The following PCK2 variants were observed in gnomAD, a reference collection of about 807,000 sequenced individuals.
PCK2 encodes phosphoenolpyruvate carboxykinase 2, mitochondrial.
Under a neutral mutation model 65.9 loss-of-function variants are expected in PCK2, and 56 were observed. That is an observed-to-expected ratio of 0.85 (90% CI 0.69 to 1.06). The LOEUF (loss-of-function observed/expected upper bound fraction) is 1.06. Ranked by LOEUF, PCK2 falls within the 50% of genes least tolerant of loss-of-function variation. The pLI is 0.00. For missense variants in PCK2, 843 were observed against 863.1 expected (o/e 0.98, Z 0.29); for synonymous variants, 305 against 319.6 (o/e 0.95, Z 0.49).
At chr14:24,096,628 C>T (rs2138937037) in intron 1 of PCK2, among the ~76,000 whole-genome samples, 1 of 152,284 alleles carries the variant, frequency 6.6e-6, no homozygotes, top group South Asian at 2.1e-4. Context: ...TGTATACTTC[C>T]ACACAGCCAG....
At chr14:24,097,495 C>T (rs563181306) in intron 2 of PCK2, among the ~76,000 whole-genome samples, 3 of 150,536 alleles carry the variant, frequency 2.0e-5, no homozygotes, top group African/African-American at 7.3e-5. Flanking sequence ...ACCCAAGAGG[C>T]GGAGGTTGCA....
intron 7 of PCK2, chr14:24,100,569 C>T (rs2037123036): frequency 9.1e-7 from 1 of 1,102,818 alleles, no homozygotes; most frequent in African/African-American, 1.6e-5. Context: ...TAAATACAGG[C>T]TGGATTTTTT....
chr14:24,100,285 C>A, intron 7 of PCK2, 72 bp downstream of exon 7: 1 of 1,575,366 alleles, frequency 6.3e-7, no homozygotes, highest in South Asian at 1.2e-5. Flanking sequence ...GCTTTCTCCA[C>A]AACCTCCAAC....
In PCK2 at chr14:24,103,660, C is replaced by A. The variant is rs1483128851; in HGVS notation, c.1619C>A (p.Ala540Glu). 14 of 1,614,210 alleles carry A rather than the reference C, an allele frequency of 8.7e-6. No homozygotes were observed. Among genetic ancestry groups the A allele is most frequent in the Non-Finnish European group, 1.2e-5 (14 of 1,180,028 alleles). The change falls in exon 10 of 10, where the codon GCA becomes GAA. Residue 540 changes from alanine to glutamate, a missense_variant. Coordinates refer to ENST00000216780, the MANE Select transcript of PCK2 (RefSeq NM_004563.4). ...FHVNWFRRDEAGHFLWPGFGE... is the reference protein window; with the variant it reads ...FHVNWFRRDEEGHFLWPGFGE... ...GTCAACTGGTTCCGGCGTGACGAGG[C>A]AGGGCACTTCCTGTGGCCAGGCTTT...
intron 6 of PCK2, 107 bp downstream of exon 6, chr14:24,099,827 C>T (rs760018134): frequency 4.7e-6 from 7 of 1,503,810 alleles, no homozygotes; most frequent in Non-Finnish European, 6.5e-6. Flanking sequence ...TTCCTGAACA[C>T]CCAACCCTGC....
chr14:24,099,346 G>C, intron 5 of PCK2, 110 bp downstream of exon 5: 1 of 1,165,444 alleles, frequency 8.6e-7, no homozygotes, highest in Non-Finnish European at 1.2e-6. Context: ...GCTGGTGGGC[G>C]GGGACTCTAC....
At position 24,098,359 on chromosome 14, in the gene PCK2, G is replaced by A. The variant is rs1256628135; in HGVS notation, c.432G>A (p.Val144=). ...CCCCAGCTGATTTCCAGCGAGCTGT[G>A]GATGAGAGGTTTCCAGGCTGCATGC... ...WMSPADFQRA[V]DERFPGCMQG... Residue 144 remains valine (V), a synonymous_variant, in exon 3 of 10, where the codon GTG becomes GTA. Coordinates refer to ENST00000216780, the MANE Select transcript of PCK2 (RefSeq NM_004563.4). 3.7e-6 allele frequency: 6 copies of A among 1,612,876 alleles called. No individual in the cohort carries two copies. The highest frequency in any genetic ancestry group is 3.3e-5 in the Admixed American group (2 of 59,940).
intron 7 of PCK2, among the ~76,000 whole-genome samples, chr14:24,101,336 G>A (rs1363987471): frequency 2.6e-5 from 4 of 152,212 alleles, no homozygotes; most frequent in East Asian, 1.9e-4. Context: ...AGAAGCTGGC[G>A]GATGGGAGAG....
At chr14:24,103,478 A>C in intron 9 of PCK2, 32 bp from the exon 10 acceptor site, 1 of 1,522,754 alleles carries the variant, frequency 6.6e-7, no homozygotes, top group Non-Finnish European at 8.8e-7. Context: ...AGTGAGAAGG[A>C]AGATTCCTTA....
intron 7 of PCK2, 49 bp downstream of exon 7, chr14:24,100,262 T>C: frequency 1.3e-6 from 2 of 1,598,826 alleles, no homozygotes; most frequent in Middle Eastern, 3.3e-4. Flanking sequence ...CTCAGCACCT[T>C]AATGGTGGAA....
At chr14:24,101,909 G>A (rs954067564) in intron 7 of PCK2, among the ~76,000 whole-genome samples, 2 of 151,812 alleles carry the variant, frequency 1.3e-5, no homozygotes, top group African/African-American at 2.4e-5. Flanking sequence ...GTGAGACTCC[G>A]TCTCATAACT....
upstream of PCK2, chr14:24,094,174 C>G: frequency 1.8e-6 from 1 of 552,186 alleles, no homozygotes; most frequent in Non-Finnish European, 3.2e-6. The surrounding 1 kb of genome is among the most constrained non-coding windows in gnomAD (Gnocchi z 4.1). Flanking sequence ...GGCGGCTGGG[C>G]TGACCTGGAG....
Position 24,103,770 on chromosome 14 carries a change from C to T in PCK2, c.1729C>T (p.Pro577Ser). 1 of 1,614,166 alleles carries T rather than the reference C, an allele frequency of 6.2e-7. No homozygotes were observed. The highest frequency in any genetic ancestry group is 8.5e-7 in the Non-Finnish European group (1 of 1,180,030). Residue 577 changes from proline (P) to serine (S), a missense_variant, in exon 10 of 10, where the codon CCA becomes TCA. Coordinates refer to ENST00000216780, the MANE Select transcript of PCK2 (RefSeq NM_004563.4). ...SARETPIGLV[P>S]KEGALDLSGL... ...CCGAGAGACACCCATTGGGCTGGTGCCAAAGGAAGGAGCCTTGGATCTCAG... is the reference window on the plus strand; with the variant it reads ...CCGAGAGACACCCATTGGGCTGGTGTCAAAGGAAGGAGCCTTGGATCTCAG...
chr14:24,099,752 T>C (rs1048829097), intron 6 of PCK2, 32 bp downstream of exon 6: 2 of 1,604,568 alleles, frequency 1.2e-6, no homozygotes, highest in Non-Finnish European at 8.5e-7. Flanking sequence ...CTCTTGGTTC[T>C]GGCTCTTGTC....
At position 24,094,493 on chromosome 14, in the gene PCK2, G is replaced by A. The variant is rs2036765347; in HGVS notation, c.29+59G>A. Reference sequence around the variant, plus strand: ...CTTCCGCTGCGCTCGCCCCCTCGGGGCTGCCAGTGGCGCTCTCCTGCTCTC... The same window carrying A: ...CTTCCGCTGCGCTCGCCCCCTCGGGACTGCCAGTGGCGCTCTCCTGCTCTC... On this transcript the variant is annotated intron_variant, in intron 1 of 9. Coordinates refer to ENST00000216780, the MANE Select transcript of PCK2 (RefSeq NM_004563.4). The surrounding 1 kb of genome is among the most constrained non-coding windows in gnomAD (Gnocchi z 4.1). The A allele has an allele frequency of 6.8e-7, 1 of 1,475,728 alleles. No homozygotes were observed. Among genetic ancestry groups the A allele is most frequent in the Non-Finnish European group, 8.9e-7 (1 of 1,120,916 alleles). The allele number at this position is 1,475,728 out of a possible 1,614,324, so 91.4% of individuals were successfully genotyped here.
Position 24,098,315 on chromosome 14 carries a change from C to A in PCK2, c.388C>A (p.Gln130Lys). The change falls in exon 3 of 10, where the codon CAG becomes AAG. Residue 130 changes from glutamine to lysine, a missense_variant. By Grantham distance (53) the Gln-to-Lys change is moderately conservative. Transcript: ENST00000216780. ...VPLPPGGARG[Q>K]LGNWMSPADF... ...ACTCCCGCCTGGTGGGGCCCGTGGG[C>A]AGCTGGGCAACTGGATGTCCCCAGC... 6.2e-7 allele frequency: 1 copy of A among 1,614,088 alleles called. No individual in the cohort carries two copies. The highest frequency in any genetic ancestry group is 8.5e-7 in the Non-Finnish European group (1 of 1,179,966).
In PCK2 at chr14:24,103,624, G is replaced by GT. The variant is rs2037259533; in HGVS notation, c.1584dup (p.Ile529TyrfsTer10). Reference sequence around the variant, plus strand: ...GGGCGCAAGGGGGCCCAGCTGCCCCGTATCTTCCATGTCAACTGGTTCCGG... The same window carrying GT: ...GGGCGCAAGGGGGCCCAGCTGCCCCGTTATCTTCCATGTCAACTGGTTCCGG... On this transcript the variant is annotated frameshift_variant, in exon 10 of 10. Transcript: ENST00000216780. LOFTEE classifies it high-confidence loss of function. 1.9e-6 allele frequency: 3 copies of GT among 1,613,832 alleles called. No individual in the cohort carries two copies. The highest frequency in any genetic ancestry group is 2.7e-5 in the African/African-American group (2 of 74,938).
At position 24,098,653 on chromosome 14, in the gene PCK2, C is replaced by T. The variant is rs890165002; in HGVS notation, c.639C>T (p.Ser213=). 1.8e-5 allele frequency: 29 copies of T among 1,613,772 alleles called. No homozygotes were observed. Among genetic ancestry groups the T allele is most frequent in the African/African-American group, 1.2e-4 (9 of 74,912 alleles). The part of the protein sequence containing the change: ...GDGDFVKCLH[S]VGQPLTGQGE... ...GTGACTTTGTCAAGTGTCTGCACTC[C>T]GTGGGCCAGCCCCTGACAGGACAAG... is the stretch of plus-strand genomic sequence containing the variant. Residue 213 remains serine, a synonymous_variant, in exon 4 of 10, where the codon TCC becomes TCT. Transcript: ENST00000216780.
rs151112797 is a variant in PCK2, at chr14:24,096,959, C to T, written c.97C>T (p.Leu33Phe). 46 of 1,613,488 alleles carry T rather than the reference C, an allele frequency of 2.9e-5. No homozygotes were observed. Among genetic ancestry groups the T allele is most frequent in the Non-Finnish European group, 3.9e-5 (46 of 1,179,632 alleles). Residue 33 changes from leucine to phenylalanine, a missense_variant, in exon 2 of 10, where the codon CTT (leucine) becomes TTT (phenylalanine). Transcript: ENST00000216780. ...SCRSIQTLRV[L>F]SGDLGQLPTG... ...CCGTAGCATCCAGACCCTGCGAGTG[C>T]TTAGTGGAGATCTGGGCCAGCTTCC... is the stretch of plus-strand genomic sequence containing the variant.
Sources: allele counts gnomAD v4.1 joint callset (sites outside exome capture counted in the v4.1 genomes callset), GRCh38; gene constraint gnomAD v4.1.1; non-coding constraint Gnocchi (gnomAD v3.1); transcripts MANE v1.5; gene names NCBI Gene and HGNC (gene_info 2026-07-23, HGNC 2026-07-21).